Variants in OSGEPL1 observed in about 807,000 individuals in gnomAD.
OSGEPL1 encodes tRNA N6-adenosine threonylcarbamoyltransferase, mitochondrial.
In OSGEPL1, 26 loss-of-function variants were observed where a neutral mutation model predicts 37.2. The ratio of observed to expected loss-of-function variants is 0.70; its 90% CI spans 0.51 to 0.97. The LOEUF is 0.97. Ranked by LOEUF, OSGEPL1 falls within the 50% of genes least tolerant of loss-of-function variation. The pLI is 0.00. For missense variants in OSGEPL1, 404 were observed against 487.0 expected (o/e 0.83, Z 1.60); for synonymous variants, 140 against 159.9 (o/e 0.88, Z 0.94).
intron 2 of OSGEPL1, among the ~76,000 whole-genome samples, chr2:189,755,869 G>GA (rs1182995633): frequency 2.6e-5 from 4 of 152,104 alleles, no homozygotes; most frequent in Non-Finnish European, 4.4e-5. Context: ...GGAAGGACAG[G>GA]AAAAAATTGT....
At chr2:189,762,994 T>C, upstream of OSGEPL1, 1 of 985,298 alleles carries the variant, frequency 1.0e-6, no homozygotes, top group African/African-American at 1.7e-5. Flanking sequence ...CGAATACAGG[T>C]TTGTCTGACT....
rs1335453312 is a variant in OSGEPL1 at position 189,762,682 on chromosome 2, C to T, written c.-21+3G>A. The T allele has an allele frequency of 5.1e-6, 5 of 985,294 alleles. No individual in the cohort carries two copies. The highest frequency in any genetic ancestry group is 1.7e-5 in the African/African-American group (1 of 57,222). 61.0% of individuals were successfully genotyped at this position (985,294 alleles called of 1,614,324 possible). On this transcript the variant is annotated splice_donor_region_variant and intron_variant, in intron 1 of 8. Coordinates refer to ENST00000264151, the MANE Select transcript of OSGEPL1 (RefSeq NM_022353.3). ...GGGGTGAAGAGTGAGCAATTTCACC[C>T]ACCTTCCACTTGGGCGGCAGTAGCT...
At chr2:189,755,609 A>ACGCCTGTAATCCC in intron 2 of OSGEPL1, 49 bp from the exon 3 acceptor site, 1 of 1,545,868 alleles carries the variant, frequency 6.5e-7, no homozygotes, top group Non-Finnish European at 8.7e-7. Flanking sequence ...TGTAAAAATG[A>ACGCCTGTAATCCC]AGAAAAATGA....
At chr2:189,748,937 A>C (rs1241145979) in intron 8 of OSGEPL1, among the ~76,000 whole-genome samples, 2 of 152,010 alleles carry the variant, frequency 1.3e-5, no homozygotes, top group Non-Finnish European at 2.9e-5. Flanking sequence ...TTCTCCTATA[A>C]ATCTCCCCTA....
At chr2:189,762,635 C>T (rs2047288824) in intron 1 of OSGEPL1, 50 bp downstream of exon 1, 2 of 985,298 alleles carry the variant, frequency 2.0e-6, no homozygotes, top group East Asian at 1.1e-4. Flanking sequence ...AACCGCTTTT[C>T]CAGGTGCGCA....
chr2:189,755,933 C>T (rs1001810857), intron 2 of OSGEPL1, among the ~76,000 whole-genome samples: 9 of 151,928 alleles, frequency 5.9e-5, no homozygotes, highest in Non-Finnish European at 1.0e-4. Flanking sequence ...GAGATTACTG[C>T]GAAAGTATTT....
At chr2:189,754,114 G>A (rs1353935804) in intron 4 of OSGEPL1, 27 bp downstream of exon 4, 1 of 1,611,814 alleles carries the variant, frequency 6.2e-7, no homozygotes, top group Non-Finnish European at 8.5e-7. Flanking sequence ...ATATTTATCT[G>A]TTCAACTTTA....
Position 189,755,362 on chromosome 2 carries a change from C to CT in OSGEPL1, c.419dup (p.Pro141AlafsTer16). 6.2e-7 allele frequency: 1 copy of CT among 1,613,530 alleles called. No individual in the cohort carries two copies. The highest frequency in any genetic ancestry group is 1.3e-5 in the African/African-American group (1 of 74,998). On this transcript the variant is annotated frameshift_variant, in exon 3 of 9. Transcript: ENST00000264151. LOFTEE classifies it high-confidence loss of function. ...CCATATGATGAATGGGAATGAATGG[C>CT]TTTTTTAACTGTCCTACCAGCTGTA...
chr2:189,752,978 A>T lies in OSGEPL1; in HGVS notation c.965T>A (p.Val322Asp), dbSNP rs765743532. The part of the protein sequence containing the change: ...DLLPQNNAVL[V>D]ASGGVASNFY... The stretch of plus-strand genomic sequence containing the variant: ...GTTACTTGCGACACCACCAGATGCA[A>T]CCTGAAGGAATTGAGAAAACCAAAA... Residue 322 changes from valine to aspartate, a missense_variant and splice_region_variant, in exon 6 of 9, where the codon GTT (valine) becomes GAT (aspartate). Physicochemically the swap from Val to Asp is radical, Grantham distance 152. Transcript: ENST00000264151. 6.2e-7 allele frequency: 1 copy of T among 1,605,364 alleles called. No individual in the cohort carries two copies. The highest frequency in any genetic ancestry group is 1.1e-5 in the South Asian group (1 of 89,128).
At chr2:189,757,145 A>G (rs1559171717) in intron 2 of OSGEPL1, among the ~76,000 whole-genome samples, 1 of 152,244 alleles carries the variant, frequency 6.6e-6, no homozygotes, top group Non-Finnish European at 1.5e-5. Flanking sequence ...AGAGGCAGGG[A>G]AACCACTGAG....
chr2:189,751,720 C>T (rs1280035748), intron 7 of OSGEPL1, among the ~76,000 whole-genome samples: 2 of 151,712 alleles, frequency 1.3e-5, no homozygotes, highest in Non-Finnish European at 2.9e-5. Flanking sequence ...GCTGGGATTA[C>T]AGGCATGAGC....
intron 8 of OSGEPL1, 105 bp downstream of exon 8, chr2:189,750,445 C>G: frequency 2.4e-6 from 1 of 411,060 alleles, no homozygotes. Flanking sequence ...GGTAAAACAT[C>G]AAATAGAAAA....
intron 8 of OSGEPL1, among the ~76,000 whole-genome samples, chr2:189,749,574 T>C (rs2044779793): frequency 6.6e-6 from 1 of 152,134 alleles, no homozygotes; most frequent in African/African-American, 2.4e-5. Context: ...ACTCCCTCAT[T>C]TATTTCCATC....
At chr2:189,762,286 C>T (rs1295492122) in intron 1 of OSGEPL1, among the ~76,000 whole-genome samples, 1 of 152,162 alleles carries the variant, frequency 6.6e-6, no homozygotes, top group South Asian at 2.1e-4. Context: ...CACTAAAGCA[C>T]ACTAGTATTT....
chr2:189,750,671 G>A lies in OSGEPL1; in HGVS notation c.1167-15C>T. ...CAAGAGGACATCTACATCATAAGCAGACAAATCGTATTATTTATTTGCTTC... is the reference window on the plus strand; with the variant it reads ...CAAGAGGACATCTACATCATAAGCAAACAAATCGTATTATTTATTTGCTTC... On this transcript the variant is annotated splice_polypyrimidine_tract_variant and intron_variant, in intron 7 of 8. Coordinates refer to ENST00000264151, the MANE Select transcript of OSGEPL1 (RefSeq NM_022353.3). 1.3e-6 allele frequency: 2 copies of A among 1,552,464 alleles called. No individual in the cohort carries two copies. The highest frequency in any genetic ancestry group is 1.7e-4 in the Middle Eastern group (1 of 5,950).
chr2:189,754,324 T>A lies in OSGEPL1; in HGVS notation c.631A>T (p.Ile211Leu). The A allele has an allele frequency of 6.2e-7, 1 of 1,607,520 alleles. No individual in the cohort carries two copies. The highest frequency in any genetic ancestry group is 8.5e-7 in the Non-Finnish European group (1 of 1,176,698). Residue 211 changes from isoleucine (I) to leucine (L), a missense_variant, in exon 4 of 9, where the codon ATA (isoleucine) becomes TTA (leucine). Coordinates refer to ENST00000264151, the MANE Select transcript of OSGEPL1 (RefSeq NM_022353.3). ...LDKVARRLSL[I>L]KHPECSTMSG... ...ATGGTGGAGCACTCTGGATGTTTTA[T>A]TAAAGAAAGTCTTCTTGCCACCTAT...
intron 7 of OSGEPL1, among the ~76,000 whole-genome samples, chr2:189,751,661 T>C (rs1284354489): frequency 6.6e-6 from 1 of 150,550 alleles, no homozygotes; most frequent in Non-Finnish European, 1.5e-5. Flanking sequence ...GCCAGGCTGG[T>C]CTCGAACTCC....
intron 2 of OSGEPL1, among the ~76,000 whole-genome samples, chr2:189,757,535 CACA>C (rs2046259670): frequency 6.6e-6 from 1 of 152,204 alleles, no homozygotes; most frequent in African/African-American, 2.4e-5. Flanking sequence ...ACTTAATATT[CACA>C]ACATTAATTT....
intron 2 of OSGEPL1, among the ~76,000 whole-genome samples, chr2:189,759,293 G>A (rs1307538617): frequency 6.6e-6 from 1 of 151,752 alleles, no homozygotes; most frequent in Non-Finnish European, 1.5e-5. Flanking sequence ...CTGTCGCCCG[G>A]GCTGGAGTCC....
Sources: gnomAD v4.1 joint callset for allele counts (sites outside exome capture counted in the v4.1 genomes callset) on GRCh38, gnomAD v4.1.1 for gene constraint, MANE v1.5 for transcripts, NCBI Gene and HGNC (gene_info 2026-07-23, HGNC 2026-07-21) for gene names.